ULK2: variants seen among roughly 807,000 people sequenced by gnomAD.
ULK2 encodes the protein unc-51 like autophagy activating kinase 2.
ULK2 carries 76 observed loss-of-function variants against 127.5 expected under a neutral mutation model. That is an observed-to-expected ratio of 0.60 (90% CI 0.50 to 0.72). The LOEUF is 0.72. Among genes scored for constraint, ULK2 ranks in the 30% least tolerant of loss-of-function variants. The pLI, the probability that ULK2 is intolerant of heterozygous loss-of-function variation, is 0.00. For missense variants in ULK2, 1,144 were observed against 1,295.9 expected, an observed-to-expected ratio of 0.88 and a Z score of 1.80; for synonymous variants, 452 against 461.9, an observed-to-expected ratio of 0.98 and a Z score of 0.28.
At chr17:19,817,064 G>A in intron 12 of ULK2, 144 bp from the exon 13 acceptor site, 2 of 650,686 alleles carry the variant, frequency 3.1e-6, no homozygotes, top group South Asian at 3.0e-5. Flanking sequence ...AAATCTCTTT[G>A]GAAAAGCTTT....
intron 3 of ULK2, among the ~76,000 whole-genome samples, chr17:19,855,549 G>A (rs1217720276): frequency 2.1e-5 from 3 of 142,546 alleles, no homozygotes; most frequent in Non-Finnish European, 3.0e-5. Context: ...GTAGTGAGCC[G>A]AGACTGTGCC....
rs549237426 is a variant in ULK2 at position 19,864,640 on chromosome 17, T to C, written c.225+163A>G. 3.3e-5 allele frequency among the ~76,000 whole-genome samples: 5 copies of C among 152,332 alleles called. No individual in the cohort carries two copies. The East Asian group carries it at 9.6e-4, about 29-fold the overall frequency. On this transcript the variant is annotated intron_variant, in intron 3 of 26. Transcript: ENST00000395544. ...AGCAAATTCTTTCAGCCTATTACTC[T>C]GTTCTGTTTTAAACAATTTCTTAAT... is the stretch of plus-strand genomic sequence containing the variant.
At position 19,825,125 on chromosome 17, in the gene ULK2, C is replaced by T; in HGVS notation, c.893G>A (p.Ser298Asn). 1 of 1,614,178 alleles carries T rather than the reference C, an allele frequency of 6.2e-7. No homozygotes were observed. The highest frequency in any genetic ancestry group is 8.5e-7 in the Non-Finnish European group (1 of 1,180,036). ...AGAAGCAAAACGACAAGATGGAGAG[C>T]TGCCACAGGAGCTTCCAGAGACAGA... is the stretch of plus-strand genomic sequence containing the variant. The part of the protein sequence containing the change: ...SGSVSGSSCG[S>N]SPSCRFASPP... The change falls in exon 12 of 27, where the codon AGC becomes AAC. Residue 298 changes from serine (S) to asparagine (N), a missense_variant. Physicochemically the swap from Ser to Asn is conservative, Grantham distance 46. Transcript: ENST00000395544.
chr17:19,858,011 C>T (rs1294270612), intron 3 of ULK2, among the ~76,000 whole-genome samples: 1 of 152,026 alleles, frequency 6.6e-6, no homozygotes, highest in African/African-American at 2.4e-5. Context: ...GATATCATTT[C>T]CCCAGGAAGC....
chr17:19,817,291 A>G (rs1328920805), intron 12 of ULK2, among the ~76,000 whole-genome samples: 1 of 152,220 alleles, frequency 6.6e-6, no homozygotes. Flanking sequence ...CTTAATGACT[A>G]AACACAAAAT....
At chr17:19,861,323 G>A (rs1277479343) in intron 3 of ULK2, among the ~76,000 whole-genome samples, 1 of 152,148 alleles carries the variant, frequency 6.6e-6, no homozygotes, top group East Asian at 1.9e-4. Context: ...GAGGTGGGCG[G>A]ATCACGAGGT....
intron 10 of ULK2, among the ~76,000 whole-genome samples, chr17:19,828,717 C>T (rs1334089729): frequency 2.0e-5 from 3 of 152,168 alleles, no homozygotes; most frequent in Non-Finnish European, 4.4e-5. Flanking sequence ...AATCTTTCCT[C>T]ATCAGTAATT....
In ULK2 at chr17:19,867,630, C is replaced by T; in HGVS notation, c.-213G>A. The T allele has an allele frequency of 3.7e-6, 1 of 268,292 alleles. No homozygotes were observed. Among genetic ancestry groups the T allele is most frequent in the African/African-American group, 2.3e-5 (1 of 44,280 alleles). 16.6% of individuals were successfully genotyped at this position (268,292 alleles called of 1,614,324 possible). On this transcript the variant is annotated 5_prime_UTR_variant, in exon 1 of 27. Transcript: ENST00000395544. ...CAGGGTCAGCGAGGCCCGGCCCGGC[C>T]CCTGCCGCTCATGGCCCGGCCTGCC...
At chr17:19,821,054 C>G (rs2041129917) in intron 12 of ULK2, among the ~76,000 whole-genome samples, 1 of 152,208 alleles carries the variant, frequency 6.6e-6, no homozygotes, top group Admixed American at 6.5e-5. Flanking sequence ...CACCTATAAT[C>G]CTAGCACTTT....
rs2041851963 is a variant in ULK2 at position 19,845,229 on chromosome 17, A to G, written c.543+75T>C. The G allele has an allele frequency of 2.3e-6, 3 of 1,279,862 alleles. No homozygotes were observed. In the African/African-American group the frequency reaches 4.4e-5, roughly 19 times the overall value. 79.3% of individuals were successfully genotyped at this position (1,279,862 alleles called of 1,614,324 possible). A position where few individuals can be genotyped will look rare whatever the true frequency, so the allele number is the denominator to read the frequency against. On this transcript the variant is annotated intron_variant, in intron 7 of 26. Coordinates refer to ENST00000395544, the MANE Select transcript of ULK2 (RefSeq NM_014683.4). ...TATGTAAAATCACATCTTATTTGGA[A>G]GCACGCATTATATTTAAATTCCAAT...
chr17:19,789,992 T>G (rs958862622), intron 20 of ULK2, among the ~76,000 whole-genome samples: 1 of 148,736 alleles, frequency 6.7e-6, no homozygotes, highest in African/African-American at 2.5e-5. Flanking sequence ...AAATAATAAC[T>G]ACAACTTTTC....
At chr17:19,839,760 T>G (rs1597795358) in intron 9 of ULK2, among the ~76,000 whole-genome samples, 1 of 152,058 alleles carries the variant, frequency 6.6e-6, no homozygotes, top group South Asian at 2.1e-4. Flanking sequence ...ATTAAATTAA[T>G]AGCTAACTGG....
intron 12 of ULK2, among the ~76,000 whole-genome samples, chr17:19,818,661 G>A (rs916510268): frequency 6.6e-6 from 1 of 151,712 alleles, no homozygotes; most frequent in Non-Finnish European, 1.5e-5. Flanking sequence ...AACTCCCCTC[G>A]GCTCCTGACA....
In ULK2 at chr17:19,773,601, A is replaced by C. The variant is rs1203857256; in HGVS notation, c.*2748T>G. Reference sequence around the variant, plus strand: ...ATTCCCAGACAAGTGCCAGGAGAGAAGCTGTTGCAAATGCTGAGTGGAGAG... The same window carrying C: ...ATTCCCAGACAAGTGCCAGGAGAGACGCTGTTGCAAATGCTGAGTGGAGAG... On this transcript the variant is annotated 3_prime_UTR_variant, in exon 27 of 27. Transcript: ENST00000395544. 1 of 152,282 alleles carries C rather than the reference A, an allele frequency of 6.6e-6. No individual in the cohort carries two copies. Among genetic ancestry groups the C allele is most frequent in the Non-Finnish European group, 1.5e-5 (1 of 68,072 alleles). The allele number at this position is 152,282 out of a possible 1,614,324, so 9.4% of individuals were successfully genotyped here.
chr17:19,867,097 A>T (rs1489247495), intron 1 of ULK2, among the ~76,000 whole-genome samples: 1 of 152,072 alleles, frequency 6.6e-6, no homozygotes, highest in Non-Finnish European at 1.5e-5. Context: ...GGCCCCGGGC[A>T]CACAGGAGGA....
chr17:19,785,532 AAAAAAAAAAACC>A (rs906791479), intron 21 of ULK2, among the ~76,000 whole-genome samples: 24 of 145,104 alleles, frequency 1.7e-4, no homozygotes, highest in African/African-American at 5.8e-4. Flanking sequence ...AAGTTTCTTT[AAAAAAAAAAACC>A]AAAAAAAAAC....
intron 3 of ULK2, among the ~76,000 whole-genome samples, chr17:19,863,497 T>C (rs941060098): frequency 2.2e-4 from 20 of 90,884 alleles, no homozygotes; most frequent in African/African-American, 8.2e-4. Flanking sequence ...GTGATTCTAG[T>C]TTTTTTTTTT....
At chr17:19,803,606 T>G (rs1313600073) in intron 15 of ULK2, among the ~76,000 whole-genome samples, 3 of 152,244 alleles carry the variant, frequency 2.0e-5, no homozygotes, top group Non-Finnish European at 4.4e-5. Context: ...TCACTTTACT[T>G]TTTTCATTTT....
intron 13 of ULK2, among the ~76,000 whole-genome samples, chr17:19,812,901 C>T (rs2087674052): frequency 6.6e-6 from 1 of 152,236 alleles, no homozygotes; most frequent in African/African-American, 2.4e-5. Context: ...GTAGGCAATG[C>T]CCATCTCCCA....
Sources: gnomAD v4.1 joint callset for allele counts (sites outside exome capture counted in the v4.1 genomes callset) on GRCh38, gnomAD v4.1.1 for gene constraint, MANE v1.5 for transcripts, NCBI Gene and HGNC (gene_info 2026-07-23, HGNC 2026-07-21) for gene names.